The following COL4A3 variants were observed in gnomAD, a reference collection of about 807,000 sequenced individuals.
The protein encoded by COL4A3 is collagen alpha-3(IV) chain.
A neutral mutation model predicts 217.4 loss-of-function variants in COL4A3; 135 were observed. The ratio of observed to expected loss-of-function variants is 0.62; its 90% CI spans 0.54 to 0.72. The LOEUF (loss-of-function observed/expected upper bound fraction) is 0.72, where lower values mean the gene tolerates loss of function less well. Among genes scored for constraint, COL4A3 ranks in the 30% least tolerant of loss-of-function variants. The pLI, the probability that COL4A3 is intolerant of heterozygous loss-of-function variation, is 0.00. For synonymous variants in COL4A3, 690 were observed against 736.3 expected, an observed-to-expected ratio of 0.94 and a Z score of 1.02; for missense variants, 1,868 against 2,119.9, an observed-to-expected ratio of 0.88 and a Z score of 2.33.
intron 3 of COL4A3, among the ~76,000 whole-genome samples, chr2:227,243,939 G>T (rs773783485): frequency 6.6e-6 from 1 of 152,146 alleles, no homozygotes; most frequent in Non-Finnish European, 1.5e-5. Context: ...CAGCTGTGAG[G>T]CTAATTAGGA....
chr2:227,268,164 G>A (rs1308618299), intron 23 of COL4A3, among the ~76,000 whole-genome samples: 2 of 152,222 alleles, frequency 1.3e-5, no homozygotes, highest in African/African-American at 4.8e-5. Context: ...TGAAGTTACA[G>A]AGCCCTTGGC....
rs778234156 is a variant in COL4A3, at chr2:227,253,555, C to A, written c.688-6C>A. On this transcript the variant is annotated splice_region_variant and splice_polypyrimidine_tract_variant and intron_variant, in intron 12 of 51. Coordinates refer to ENST00000396578, the MANE Select transcript of COL4A3 (RefSeq NM_000091.5). This position sits in a 1 kb window ranked among gnomAD's most constrained non-coding sequence, Gnocchi z 4.4. The stretch of plus-strand genomic sequence containing the variant: ...TTTTCTCACTCCTGAGTGTTTTTGT[C>A]TTTAGGGTGTGAAAGGGTTAACAGG... The A allele has an allele frequency of 3.7e-6, 6 of 1,612,512 alleles. No homozygotes were observed. Among genetic ancestry groups the A allele is most frequent in the Non-Finnish European group, 5.1e-6 (6 of 1,178,578 alleles).
At chr2:227,304,524 A>C in intron 46 of COL4A3, among the ~76,000 whole-genome samples, 1 of 152,212 alleles carries the variant, frequency 6.6e-6, no homozygotes, top group Non-Finnish European at 1.5e-5. Context: ...TGGTACAGCA[A>C]AGTATTAGGA....
intron 25 of COL4A3, among the ~76,000 whole-genome samples, chr2:227,271,722 T>C (rs534252279): frequency 1.0e-3 from 157 of 152,266 alleles, no homozygotes; most frequent in African/African-American, 3.6e-3. Flanking sequence ...TCCACCCACC[T>C]TAGCCTCCCA....
At chr2:227,311,617 A>G (rs2073743922) in intron 51 of COL4A3, among the ~76,000 whole-genome samples, 169 bp from the exon 52 acceptor site, 1 of 152,182 alleles carries the variant, frequency 6.6e-6, no homozygotes, top group Non-Finnish European at 1.5e-5. Flanking sequence ...ACCTCAATTT[A>G]TCCTCCCACC....
intron 41 of COL4A3, among the ~76,000 whole-genome samples, chr2:227,295,657 T>G (rs1385524894): frequency 6.6e-6 from 1 of 152,216 alleles, no homozygotes; most frequent in Non-Finnish European, 1.5e-5. Context: ...TCAGTAAGCA[T>G]CTGTCCCTGC....
At chr2:227,196,357 G>A (rs1238210534) in intron 1 of COL4A3, among the ~76,000 whole-genome samples, 7 of 150,084 alleles carry the variant, frequency 4.7e-5, no homozygotes, top group East Asian at 2.0e-4. Context: ...TTGCTCTGTC[G>A]CCCAGGCTGG....
At chr2:227,202,660 G>A (rs956521875) in intron 1 of COL4A3, among the ~76,000 whole-genome samples, 10 of 150,048 alleles carry the variant, frequency 6.7e-5, no homozygotes, top group Middle Eastern at 3.5e-3. Context: ...GTGTGAACCC[G>A]GGAGGCAGAG....
At chr2:227,226,546 T>C (rs564560265) in intron 1 of COL4A3, among the ~76,000 whole-genome samples, 2 of 152,134 alleles carry the variant, frequency 1.3e-5, no homozygotes, top group African/African-American at 4.8e-5. Context: ...CTTTGCTTAC[T>C]GTAACCTTCA....
intron 40 of COL4A3, 82 bp downstream of exon 40, chr2:227,295,144 A>G (rs1170655597): frequency 2.0e-6 from 3 of 1,530,306 alleles, no homozygotes; most frequent in South Asian, 1.1e-5. Flanking sequence ...TTGCTGCTCT[A>G]AAGATTTTTC....
At chr2:227,283,032 T>C (rs758035803) in intron 32 of COL4A3, among the ~76,000 whole-genome samples, 23 of 152,230 alleles carry the variant, frequency 1.5e-4, no homozygotes, top group Non-Finnish European at 3.1e-4. Flanking sequence ...AATGACTAAT[T>C]CAATCTCTTC....
chr2:227,246,827 T>C (rs545138431), intron 7 of COL4A3, 89 bp downstream of exon 7: 2 of 1,164,040 alleles, frequency 1.7e-6, no homozygotes, highest in African/African-American at 1.5e-5. Flanking sequence ...AAATCCGTCA[T>C]GACTTTAGGG....
intron 6 of COL4A3, 144 bp from the exon 7 acceptor site, chr2:227,246,537 TCAGC>T: frequency 1.4e-6 from 1 of 694,858 alleles, no homozygotes; most frequent in Admixed American, 2.3e-5. Context: ...TTTTTGGTCT[TCAGC>T]CTCATGACCC....
chr2:227,257,242 A>T (rs2070238272), intron 17 of COL4A3, among the ~76,000 whole-genome samples: 1 of 152,188 alleles, frequency 6.6e-6, no homozygotes, highest in South Asian at 2.1e-4. Flanking sequence ...GGGGTTGGTT[A>T]CAGCTGGGAC....
intron 1 of COL4A3, among the ~76,000 whole-genome samples, chr2:227,227,520 T>A (rs1207019915): frequency 6.6e-6 from 1 of 150,726 alleles, no homozygotes; most frequent in Non-Finnish European, 1.5e-5. Flanking sequence ...AGAGCAAGAC[T>A]CCATCTCAAA....
chr2:227,266,907 T>C, intron 22 of COL4A3, 86 bp from the exon 23 acceptor site: 2 of 878,840 alleles, frequency 2.3e-6, no homozygotes, highest in Non-Finnish European at 1.9e-6. Context: ...TTAAATGTAA[T>C]AAATGATAGT....
rs1356763169 is a variant in COL4A3, at chr2:227,190,458, AAC to A, written c.87+25649_87+25650del. Among the ~76,000 whole-genome samples, 3 of 152,258 alleles carry A rather than the reference AAC, an allele frequency of 2.0e-5. No homozygotes were observed. The East Asian group carries it at 5.8e-4, about 29-fold the overall frequency. On this transcript the variant is annotated intron_variant, in intron 1 of 51. Coordinates refer to ENST00000396578, the MANE Select transcript of COL4A3 (RefSeq NM_000091.5). ...GGAAACACTTCTACAGTCTGAAGCA[AAC>A]ACATAAATAGATATGTTTTATATGT...
chr2:227,311,573 T>C (rs1429928184), intron 51 of COL4A3, among the ~76,000 whole-genome samples: 1 of 151,962 alleles, frequency 6.6e-6, no homozygotes, highest in African/African-American at 2.4e-5. Flanking sequence ...AGAGATTGGG[T>C]TTCACCATGT....
intron 25 of COL4A3, among the ~76,000 whole-genome samples, 185 bp downstream of exon 25, chr2:227,271,137 T>C (rs115904274): frequency 5.3e-4 from 81 of 152,278 alleles, no homozygotes; most frequent in African/African-American, 1.8e-3. Context: ...ACAGAATAAA[T>C]AGGTAGCATT....
Sources: allele counts gnomAD v4.1 joint callset (sites outside exome capture counted in the v4.1 genomes callset), GRCh38; gene constraint gnomAD v4.1.1; non-coding constraint Gnocchi (gnomAD v3.1); transcripts MANE v1.5; gene names NCBI Gene and HGNC (gene_info 2026-07-23, HGNC 2026-07-21).